Variants in PSMD1 observed in about 807,000 individuals in gnomAD.
PSMD1 encodes the protein proteasome 26S subunit, non-ATPase 1, also known as 26S proteasome non-ATPase regulatory subunit 1.
A neutral mutation model predicts 119.0 loss-of-function variants in PSMD1; 18 were observed. That is an observed-to-expected ratio of 0.15 (90% CI 0.10 to 0.22). The LOEUF is 0.22. Ranked by LOEUF, PSMD1 falls within the 10% of genes least tolerant of loss-of-function variation. The pLI is 1.00. For missense variants in PSMD1, 702 were observed against 1,158.5 expected (o/e 0.61, Z 5.72); for synonymous variants, 374 against 396.6 (o/e 0.94, Z 0.68).
chr2:231,160,791 A>T (rs1284162760), intron 19 of PSMD1, among the ~76,000 whole-genome samples: 1 of 152,200 alleles, frequency 6.6e-6, no homozygotes, highest in Non-Finnish European at 1.5e-5. Context: ...TCCAGTTAAA[A>T]GTACACTTCC....
In PSMD1 at chr2:231,070,885, G is replaced by C. The variant is rs117828128; in HGVS notation, c.654+717G>C. The stretch of plus-strand genomic sequence containing the variant: ...ATAGCATTTTATTGCACATTTTATT[G>C]TTTCTTCATTAAAATGTGCTCCTGT... On this transcript the variant is annotated intron_variant, in intron 6 of 24. Coordinates refer to ENST00000308696, the MANE Select transcript of PSMD1 (RefSeq NM_002807.4). Among the ~76,000 whole-genome samples, 577 of 151,980 alleles carry C rather than the reference G, an allele frequency of 3.8e-3. 5 individuals are homozygous for C. The East Asian group carries it at 0.051, about 13-fold the overall frequency.
intron 16 of PSMD1, among the ~76,000 whole-genome samples, chr2:231,135,878 A>G (rs1460921165): frequency 1.3e-5 from 2 of 152,230 alleles, no homozygotes; most frequent in African/African-American, 4.8e-5. Flanking sequence ...TTCTCAAGAA[A>G]GAGTGATGGA....
intron 16 of PSMD1, among the ~76,000 whole-genome samples, chr2:231,124,301 G>A (rs1230995514): frequency 6.6e-6 from 1 of 152,124 alleles, no homozygotes; most frequent in African/African-American, 2.4e-5. Flanking sequence ...TGAAACAGAA[G>A]ACACATTAAT....
At chr2:231,088,488 TC>T (rs1344981774) in intron 16 of PSMD1, among the ~76,000 whole-genome samples, 2 of 152,266 alleles carry the variant, frequency 1.3e-5, no homozygotes, top group Non-Finnish European at 2.9e-5. Flanking sequence ...TTTCTCTGTG[TC>T]ACATTTTGGT....
intron 24 of PSMD1, among the ~76,000 whole-genome samples, chr2:231,172,290 A>G (rs1030146827): frequency 2.0e-5 from 3 of 152,330 alleles, no homozygotes; most frequent in South Asian, 4.1e-4. Flanking sequence ...AGTTAATTAC[A>G]AAATGACTTA....
chr2:231,062,322 G>T lies in PSMD1; in HGVS notation c.134+1G>T. The T allele has an allele frequency of 6.2e-7, 1 of 1,600,418 alleles. No individual in the cohort carries two copies. The highest frequency in any genetic ancestry group is 8.6e-7 in the Non-Finnish European group (1 of 1,168,268). ...AAATTTCCGAGTCCGTAGACAAAAT[G>T]TAAGAAATTATTTTTATAAATCAGA... On this transcript the variant is annotated splice_donor_variant, in intron 3 of 24. Transcript: ENST00000308696. LOFTEE classifies it high-confidence loss of function.
chr2:231,066,988 A>G lies in PSMD1; in HGVS notation c.387A>G (p.Arg129=). The part of the protein sequence containing the change: ...PEGEKKPIDQ[R]LEGIVNKMFQ... ...GAGAAAAAAAACCAATTGACCAGAG[A>G]TTGGAAGGCATCGTAAATAAAATGT... The change falls in exon 5 of 25, where the codon AGA becomes AGG. Residue 129 remains arginine (R), a synonymous_variant. Coordinates refer to ENST00000308696, the MANE Select transcript of PSMD1 (RefSeq NM_002807.4). The G allele has an allele frequency of 6.2e-7, 1 of 1,613,312 alleles. No individual in the cohort carries two copies. Among genetic ancestry groups the G allele is most frequent in the Non-Finnish European group, 8.5e-7 (1 of 1,179,748 alleles).
chr2:231,143,140 A>T lies in PSMD1; in HGVS notation c.1999-3100A>T, dbSNP rs367854764. 7.6e-3 allele frequency among the ~76,000 whole-genome samples: 1,117 copies of T among 146,680 alleles called. 24 individuals are homozygous for T. Among genetic ancestry groups the T allele is most frequent in the African/African-American group, 0.027 (1,069 of 39,846 alleles). The stretch of plus-strand genomic sequence containing the variant: ...TTTGTTGTTTTTCTTGTTGTTTTGT[A>T]TTTTTTTTTTAACTCTAATCTCAAT... On this transcript the variant is annotated intron_variant, in intron 17 of 24. Coordinates refer to ENST00000308696, the MANE Select transcript of PSMD1 (RefSeq NM_002807.4).
At chr2:231,132,082 T>C (rs1272590816) in intron 16 of PSMD1, among the ~76,000 whole-genome samples, 6 of 152,190 alleles carry the variant, frequency 3.9e-5, no homozygotes, top group Admixed American at 6.5e-5. Context: ...CTCCTGGTAT[T>C]TATGTTCTCA....
intron 4 of PSMD1, among the ~76,000 whole-genome samples, chr2:231,063,438 C>G (rs1238170319): frequency 6.6e-6 from 1 of 152,194 alleles, no homozygotes; most frequent in Non-Finnish European, 1.5e-5. Context: ...AGCTCAAGGG[C>G]ATGTTCTGTC....
intron 1 of PSMD1, among the ~76,000 whole-genome samples, chr2:231,059,242 A>T (rs1693697081): frequency 6.6e-6 from 1 of 152,176 alleles, no homozygotes; most frequent in Non-Finnish European, 1.5e-5. Flanking sequence ...ACTGCCATTT[A>T]AGTTTATTGG....
In PSMD1 at chr2:231,096,337, C is replaced by T. The variant is rs532542496; in HGVS notation, c.1883+9156C>T. Among the ~76,000 whole-genome samples the T allele has an allele frequency of 2.3e-4, 35 of 152,162 alleles. 1 individual carries two copies. The South Asian group carries it at 5.6e-3, about 24-fold the overall frequency. ...TTTTGTTATTTTTTTCTGTTAATGGCGGGGCTGAGGGAGATGGAGTCGGTA... is the reference window on the plus strand; with the variant it reads ...TTTTGTTATTTTTTTCTGTTAATGGTGGGGCTGAGGGAGATGGAGTCGGTA... On this transcript the variant is annotated intron_variant, in intron 16 of 24. Coordinates refer to ENST00000308696, the MANE Select transcript of PSMD1 (RefSeq NM_002807.4).
intron 4 of PSMD1, 46 bp from the exon 5 acceptor site, chr2:231,066,860 T>A (rs564339189): frequency 2.7e-6 from 4 of 1,465,700 alleles, no homozygotes; most frequent in Admixed American, 4.6e-5. Flanking sequence ...TTTCTGATAG[T>A]TTAGCCCAAT....
intron 17 of PSMD1, among the ~76,000 whole-genome samples, chr2:231,143,747 G>A (rs1696186451): frequency 6.6e-6 from 1 of 152,196 alleles, no homozygotes; most frequent in Admixed American, 6.5e-5. Flanking sequence ...TCTGCAAGAG[G>A]AGATGATATA....
chr2:231,145,069 A>G (rs754491942), intron 17 of PSMD1, among the ~76,000 whole-genome samples: 1 of 152,252 alleles, frequency 6.6e-6, no homozygotes, highest in Non-Finnish European at 1.5e-5. Flanking sequence ...GACCAGTTCT[A>G]AACTATTCCA....
Position 231,062,623 on chromosome 2 carries a change from A to C in PSMD1, c.252A>C (p.Ala84=), listed in dbSNP as rs1225580516. The change falls in exon 4 of 25, where the codon GCA becomes GCC. Residue 84 remains alanine, a synonymous_variant. Coordinates refer to ENST00000308696, the MANE Select transcript of PSMD1 (RefSeq NM_002807.4). ...AGTCTCTGAATTATGCTCTTGGAGC[A>C]GGGGACCTCTTCAATGTCAATGATA... is the stretch of plus-strand genomic sequence containing the variant. The part of the protein sequence containing the change: ...FEESLNYALG[A]GDLFNVNDNS... 6.2e-7 allele frequency: 1 copy of C among 1,613,190 alleles called. No individual in the cohort carries two copies. Among genetic ancestry groups the C allele is most frequent in the Non-Finnish European group, 8.5e-7 (1 of 1,179,680 alleles).
intron 6 of PSMD1, 126 bp downstream of exon 6, chr2:231,070,294 C>A: frequency 1.3e-6 from 1 of 765,512 alleles, no homozygotes; most frequent in Non-Finnish European, 1.8e-6. Flanking sequence ...CTGATCTTCA[C>A]AGCAGCCCTG....
At chr2:231,152,046 T>C (rs1696388518) in intron 18 of PSMD1, among the ~76,000 whole-genome samples, 1 of 152,112 alleles carries the variant, frequency 6.6e-6, no homozygotes, top group Non-Finnish European at 1.5e-5. Context: ...ACTCCTGACC[T>C]CAGGTGATTC....
chr2:231,084,751 GTTGAC>G (rs112416410), intron 14 of PSMD1, among the ~76,000 whole-genome samples: 3 of 152,316 alleles, frequency 2.0e-5, no homozygotes, highest in African/African-American at 7.2e-5. Context: ...GGCTGTTGCT[GTTGAC>G]TTGACTTTAT....
Sources: gnomAD v4.1 joint callset for allele counts (sites outside exome capture counted in the v4.1 genomes callset) on GRCh38, gnomAD v4.1.1 for gene constraint, MANE v1.5 for transcripts, NCBI Gene and HGNC (gene_info 2026-07-23, HGNC 2026-07-21) for gene names.